Variants in CDK6 observed in about 807,000 individuals in gnomAD.
CDK6 encodes cyclin-dependent kinase 6.
In CDK6, 6 loss-of-function variants were observed where a neutral mutation model predicts 37.1. The observed-to-expected ratio is 0.16, with a 90% CI of 0.09 to 0.32. The LOEUF (loss-of-function observed/expected upper bound fraction) is 0.32, where lower values mean the gene tolerates loss of function less well. Ranked by LOEUF, CDK6 falls within the 10% of genes least tolerant of loss-of-function variation. The pLI is 1.00. For synonymous variants in CDK6, 160 were observed against 161.3 expected (o/e 0.99, Z 0.06); for missense variants, 224 against 418.9 (o/e 0.53, Z 4.06).
chr7:92,705,941 A>C (rs964916112), intron 4 of CDK6, among the ~76,000 whole-genome samples: 1 of 152,258 alleles, frequency 6.6e-6, no homozygotes, highest in African/African-American at 2.4e-5. Flanking sequence ...TGTAAAACAA[A>C]ACAAGACAGT....
At chr7:92,718,885 CTGACCT>C (rs1003163832) in intron 4 of CDK6, among the ~76,000 whole-genome samples, 4 of 152,232 alleles carry the variant, frequency 2.6e-5, no homozygotes, top group African/African-American at 7.2e-5. Context: ...TGTAAGCTCT[CTGACCT>C]TGTCCATTTC....
chr7:92,715,608 C>A (rs984851903), intron 4 of CDK6, among the ~76,000 whole-genome samples: 6 of 152,088 alleles, frequency 3.9e-5, no homozygotes, highest in Non-Finnish European at 8.8e-5. Flanking sequence ...AAAGCAGGAG[C>A]AATAAGAGGA....
At position 92,610,851 on chromosome 7, in the gene CDK6, A is replaced by T. The variant is rs1379405609; in HGVS notation, c.*4289T>A. ...TTTTCAAAAGTATTGGTGGCATAGG[A>T]AACACATGCCTTTTAAAAATTTATT... On this transcript the variant is annotated 3_prime_UTR_variant, in exon 8 of 8. Coordinates refer to ENST00000424848, the MANE Select transcript of CDK6 (RefSeq NM_001145306.2). 1 of 228,472 alleles carries T rather than the reference A, an allele frequency of 4.4e-6. No homozygotes were observed. Among genetic ancestry groups the T allele is most frequent in the African/African-American group, 2.2e-5 (1 of 45,144 alleles). 14.2% of individuals were successfully genotyped at this position (228,472 alleles called of 1,614,324 possible).
At chr7:92,695,796 TAA>T (rs1486954058) in intron 4 of CDK6, among the ~76,000 whole-genome samples, 1 of 152,226 alleles carries the variant, frequency 6.6e-6, no homozygotes, top group Non-Finnish European at 1.5e-5. Flanking sequence ...CGGCAGGCTT[TAA>T]AAGTCTTTGC....
At chr7:92,754,415 C>T (rs779193856) in intron 3 of CDK6, among the ~76,000 whole-genome samples, 7 of 152,170 alleles carry the variant, frequency 4.6e-5, no homozygotes, top group East Asian at 1.9e-4. Context: ...CATAAATGAA[C>T]GCAAAACCTG....
intron 3 of CDK6, among the ~76,000 whole-genome samples, chr7:92,762,699 C>G (rs1799486818): frequency 6.6e-6 from 1 of 151,856 alleles, no homozygotes; most frequent in Non-Finnish European, 1.5e-5. Context: ...TCCCAAGCAG[C>G]TGAGATTACA....
At chr7:92,779,396 A>G (rs1799929858) in intron 2 of CDK6, among the ~76,000 whole-genome samples, 1 of 152,228 alleles carries the variant, frequency 6.6e-6, no homozygotes, top group African/African-American at 2.4e-5. Flanking sequence ...GAGATGTGTA[A>G]TAGTCCATAG....
At chr7:92,675,649 T>C (rs950038215) in intron 4 of CDK6, among the ~76,000 whole-genome samples, 1 of 152,194 alleles carries the variant, frequency 6.6e-6, no homozygotes, top group Non-Finnish European at 1.5e-5. Flanking sequence ...TCTGGAATAG[T>C]ACAAACAACA....
At chr7:92,735,149 G>T (rs865874235) in intron 3 of CDK6, among the ~76,000 whole-genome samples, 45 of 152,258 alleles carry the variant, frequency 3.0e-4, no homozygotes, top group African/African-American at 9.9e-4. Context: ...TCAAAGTACA[G>T]TCTCTTACTC....
At chr7:92,758,730 T>A (rs1384748053) in intron 3 of CDK6, among the ~76,000 whole-genome samples, 1 of 152,226 alleles carries the variant, frequency 6.6e-6, no homozygotes, top group African/African-American at 2.4e-5. Flanking sequence ...TTGGGCAGTA[T>A]GTCCATTTTA....
At chr7:92,701,323 C>A (rs1420530333) in intron 4 of CDK6, among the ~76,000 whole-genome samples, 1 of 151,970 alleles carries the variant, frequency 6.6e-6, no homozygotes, top group African/African-American at 2.4e-5. Context: ...AATTCACATT[C>A]AAAGGTTTAT....
chr7:92,710,638 A>G, intron 4 of CDK6: 3 of 919,104 alleles, frequency 3.3e-6, no homozygotes, highest in Non-Finnish European at 3.9e-6. Flanking sequence ...AAAAAATCTG[A>G]AGATTCTAGC....
intron 3 of CDK6, among the ~76,000 whole-genome samples, chr7:92,773,163 T>C (rs554094326): frequency 9.2e-5 from 14 of 152,166 alleles, no homozygotes; most frequent in Non-Finnish European, 1.9e-4. Context: ...GACATGAGGA[T>C]GACTGAATAC....
chr7:92,750,749 G>C (rs144333357), intron 3 of CDK6, among the ~76,000 whole-genome samples: 1 of 152,292 alleles, frequency 6.6e-6, no homozygotes, highest in East Asian at 1.9e-4. Flanking sequence ...TTTTGAAAAT[G>C]TCTTGTTATA....
chr7:92,676,295 T>C (rs940756274), intron 4 of CDK6, among the ~76,000 whole-genome samples: 3 of 152,156 alleles, frequency 2.0e-5, no homozygotes, highest in African/African-American at 7.2e-5. Context: ...GGTCAGGTTA[T>C]TTATGGCTAT....
chr7:92,702,385 A>G (rs972795304), intron 4 of CDK6, among the ~76,000 whole-genome samples: 11 of 151,434 alleles, frequency 7.3e-5, no homozygotes, highest in African/African-American at 2.7e-4. Flanking sequence ...GGTGTGTACC[A>G]CCATGCCCAG....
intron 4 of CDK6, among the ~76,000 whole-genome samples, chr7:92,688,806 T>G (rs905384030): frequency 1.2e-4 from 19 of 152,154 alleles, no homozygotes; most frequent in African/African-American, 4.6e-4. Flanking sequence ...AGAACCATAT[T>G]TGTCAGTTTA....
chr7:92,827,912 T>C (rs991829237), intron 2 of CDK6, among the ~76,000 whole-genome samples: 3 of 152,220 alleles, frequency 2.0e-5, no homozygotes, highest in Non-Finnish European at 4.4e-5. Context: ...TATTTGCTTA[T>C]GTGTCTGATG....
chr7:92,730,406 T>C (rs1253663922), intron 3 of CDK6, among the ~76,000 whole-genome samples: 4 of 152,150 alleles, frequency 2.6e-5, no homozygotes, highest in Non-Finnish European at 5.9e-5. Flanking sequence ...CTAAAATGTA[T>C]CACATATAAC....
Sources: gnomAD v4.1 joint callset for allele counts (sites outside exome capture counted in the v4.1 genomes callset) on GRCh38, gnomAD v4.1.1 for gene constraint, MANE v1.5 for transcripts, NCBI Gene and HGNC (gene_info 2026-07-23, HGNC 2026-07-21) for gene names.